The following ZNF25 variants were observed in gnomAD, a reference collection of about 807,000 sequenced individuals.
ZNF25 encodes zinc finger protein 25 (KOX 19).
A neutral mutation model predicts 30.9 loss-of-function variants in ZNF25; 21 were observed. The ratio of observed to expected loss-of-function variants is 0.68; its 90% CI spans 0.48 to 0.98. ZNF25 has a LOEUF of 0.98. ZNF25 is among the 50% of genes least tolerant of loss of function. The pLI, the probability that ZNF25 is intolerant of heterozygous loss-of-function variation, is 0.00. For synonymous variants in ZNF25, 169 were observed against 181.3 expected (o/e 0.93, Z 0.55); for missense variants, 501 against 529.9 (o/e 0.95, Z 0.54).
chr10:37,968,666 T>G (rs1027543758), intron 2 of ZNF25, among the ~76,000 whole-genome samples: 1 of 152,214 alleles, frequency 6.6e-6, no homozygotes, highest in Non-Finnish European at 1.5e-5. Flanking sequence ...TAAAATGTTC[T>G]TATAATTCAA....
chr10:37,971,696 T>C lies in ZNF25; in HGVS notation c.15+12A>G, dbSNP rs750784164. 6.2e-7 allele frequency: 1 copy of C among 1,605,214 alleles called. No homozygotes were observed. The highest frequency in any genetic ancestry group is 1.1e-5 in the South Asian group (1 of 91,004). The stretch of plus-strand genomic sequence containing the variant: ...ACAGTGAAACAAAGTTAGGGCTAAG[T>C]AAATGACTCACCTGGAACTTGTTCA... On this transcript the variant is annotated intron_variant, in intron 2 of 5. Coordinates refer to ENST00000302609, the MANE Select transcript of ZNF25 (RefSeq NM_145011.4).
intron 2 of ZNF25, among the ~76,000 whole-genome samples, chr10:37,965,975 A>G (rs1262641231): frequency 6.6e-6 from 1 of 152,216 alleles, no homozygotes; most frequent in Non-Finnish European, 1.5e-5. Flanking sequence ...AAAAATTAGA[A>G]AAGTTAATTG....
intron 2 of ZNF25, among the ~76,000 whole-genome samples, chr10:37,971,332 A>T (rs1003387774): frequency 6.8e-6 from 1 of 146,576 alleles, no homozygotes. Flanking sequence ...AAAAAAAAAA[A>T]TTCACATTTG....
In ZNF25 at chr10:37,971,630, AACACACACACACACACAC is replaced by A. The variant is rs4007126; in HGVS notation, c.15+60_15+77del. 2.5e-4 allele frequency: 343 copies of A among 1,389,810 alleles called. 1 individual carries two copies. In the African/African-American group the frequency reaches 3.2e-3, roughly 13 times the overall value. The allele number at this position is 1,389,810 out of a possible 1,614,324, so 86.1% of individuals were successfully genotyped here. A position where few individuals can be genotyped will look rare whatever the true frequency, so the allele number is the denominator to read the frequency against. ...GGGCTCTCGTTCATAAAACTCATTA[AACACACACACACACACAC>A]ACACACACACACACACACACACACA... On this transcript the variant is annotated intron_variant, in intron 2 of 5. Transcript: ENST00000302609.
At chr10:37,966,912 T>G (rs2063218653) in intron 2 of ZNF25, among the ~76,000 whole-genome samples, 1 of 152,180 alleles carries the variant, frequency 6.6e-6, no homozygotes, top group African/African-American at 2.4e-5. Context: ...GAATGGATAT[T>G]AAAAACATGA....
In ZNF25 at chr10:37,952,137, GCATTCCT is replaced by G; in HGVS notation, c.1354_1360del (p.Arg452LeufsTer34). On this transcript the variant is annotated frameshift_variant, in exon 6 of 6. Transcript: ENST00000302609. LOFTEE classifies it high-confidence loss of function. ...ATTTCCCAACTCATCTTACTTCTCA[GCATTCCT>G]CTTCTTTGTGTGTGTCTTCTGATGT... is the stretch of plus-strand genomic sequence containing the variant. The G allele has an allele frequency of 6.4e-7, 1 of 1,561,418 alleles. No homozygotes were observed. The highest frequency in any genetic ancestry group is 8.6e-7 in the Non-Finnish European group (1 of 1,156,676).
At position 37,954,376 on chromosome 10, in the gene ZNF25, G is replaced by A. The variant is rs543487833; in HGVS notation, c.239-618C>T. Reference sequence around the variant, plus strand: ...TCCTCATGCTTAGAGGAAGAGTCCTGTAGCTTGGGCTTTCACTCTCCATCT... The same window carrying A: ...TCCTCATGCTTAGAGGAAGAGTCCTATAGCTTGGGCTTTCACTCTCCATCT... On this transcript the variant is annotated intron_variant, in intron 4 of 5. Transcript: ENST00000302609. 3.7e-4 allele frequency among the ~76,000 whole-genome samples: 57 copies of A among 152,244 alleles called. 1 individual carries two copies. The South Asian group carries it at 0.011, about 30-fold the overall frequency.
At position 37,949,702 on chromosome 10, in the gene ZNF25, G is replaced by A. The variant is rs997284826; in HGVS notation, c.*2425C>T. 6.6e-6 allele frequency: 1 copy of A among 152,408 alleles called. No individual in the cohort carries two copies. The highest frequency in any genetic ancestry group is 1.5e-5 in the Non-Finnish European group (1 of 68,040). The allele number at this position is 152,408 out of a possible 1,614,324, so 9.4% of individuals were successfully genotyped here. On this transcript the variant is annotated 3_prime_UTR_variant, in exon 6 of 6. Coordinates refer to ENST00000302609, the MANE Select transcript of ZNF25 (RefSeq NM_145011.4). Reference sequence around the variant, plus strand: ...CTAGTAATGTAGCTGATGGAATTGGGTATTGTAAGTTTTTTGTTATTGGGT... The same window carrying A: ...CTAGTAATGTAGCTGATGGAATTGGATATTGTAAGTTTTTTGTTATTGGGT...
chr10:37,969,305 A>G (rs1175315180), intron 2 of ZNF25, among the ~76,000 whole-genome samples: 1 of 152,224 alleles, frequency 6.6e-6, no homozygotes, highest in Non-Finnish European at 1.5e-5. Context: ...ATAGGTATCA[A>G]ATACTTACAG....
rs1254503080 is a variant in ZNF25, at chr10:37,973,659, T to C, written c.-85-1852A>G. Among the ~76,000 whole-genome samples, 5 of 151,152 alleles carry C rather than the reference T, an allele frequency of 3.3e-5. No homozygotes were observed. The East Asian group carries it at 7.7e-4, about 23-fold the overall frequency. On this transcript the variant is annotated intron_variant, in intron 1 of 5. Transcript: ENST00000302609. ...GATATTAAAATGGAAAGATATCCCA[T>C]GCTCATGGACTGGCAGAATTAATAT...
chr10:37,953,782 T>C (rs2062341944), intron 4 of ZNF25, 24 bp from the exon 5 acceptor site: 1 of 1,593,864 alleles, frequency 6.3e-7, no homozygotes, highest in Non-Finnish European at 8.6e-7. Context: ...AAAAATGTAA[T>C]ACTTTATAAA....
intron 2 of ZNF25, among the ~76,000 whole-genome samples, chr10:37,959,133 A>G (rs1427377654): frequency 6.6e-6 from 1 of 152,196 alleles, no homozygotes; most frequent in African/African-American, 2.4e-5. Flanking sequence ...ATACTATGTG[A>G]AATGTCTTAT....
At chr10:37,961,089 G>C (rs2062844594) in intron 2 of ZNF25, among the ~76,000 whole-genome samples, 2 of 152,038 alleles carry the variant, frequency 1.3e-5, no homozygotes, top group African/African-American at 4.8e-5. Flanking sequence ...AAAAACCAAA[G>C]AGCATCCAGT....
intron 2 of ZNF25, among the ~76,000 whole-genome samples, chr10:37,966,573 A>T (rs1388059259): frequency 6.6e-6 from 1 of 152,184 alleles, no homozygotes; most frequent in African/African-American, 2.4e-5. Flanking sequence ...GCACATCTTC[A>T]CATGGCAGAG....
At chr10:37,962,220 G>A (rs1362885193) in intron 2 of ZNF25, among the ~76,000 whole-genome samples, 3 of 149,412 alleles carry the variant, frequency 2.0e-5, no homozygotes, top group South Asian at 2.1e-4. Flanking sequence ...CAGCCTGGGC[G>A]AGAGAGCGAG....
rs553101774 is a variant in ZNF25 at position 37,956,339 on chromosome 10, G to A, written c.238+681C>T. ...ATTTTATTGTTAATAAAAGGAAGGC[G>A]ATGCCATTTAAAAACGTTATAAGTC... is the stretch of plus-strand genomic sequence containing the variant. On this transcript the variant is annotated intron_variant, in intron 4 of 5. Coordinates refer to ENST00000302609, the MANE Select transcript of ZNF25 (RefSeq NM_145011.4). Among the ~76,000 whole-genome samples, 13 of 152,268 alleles carry A rather than the reference G, an allele frequency of 8.5e-5. No homozygotes were observed. In the South Asian group the frequency reaches 2.5e-3, roughly 29 times the overall value.
intron 3 of ZNF25, 68 bp from the exon 4 acceptor site, chr10:37,957,183 A>T (rs1356590752): frequency 6.8e-7 from 1 of 1,478,956 alleles, no homozygotes; most frequent in Non-Finnish European, 9.4e-7. Context: ...AAAGATGAGG[A>T]AGTGGAGTTT....
intron 2 of ZNF25, among the ~76,000 whole-genome samples, chr10:37,963,652 G>A: frequency 6.6e-6 from 1 of 152,138 alleles, no homozygotes; most frequent in Middle Eastern, 3.2e-3. Flanking sequence ...AGTGAGTTCT[G>A]ATTCGGTTCA....
chr10:37,971,315 CAAAA>C (rs35376573), intron 2 of ZNF25, among the ~76,000 whole-genome samples: 1 of 133,434 alleles, frequency 7.5e-6, no homozygotes. Flanking sequence ...GACTCCATCT[CAAAA>C]AAAAAAAAAA....
Sources: gnomAD v4.1 joint callset for allele counts (sites outside exome capture counted in the v4.1 genomes callset) on GRCh38, gnomAD v4.1.1 for gene constraint, MANE v1.5 for transcripts, NCBI Gene and HGNC (gene_info 2026-07-23, HGNC 2026-07-21) for gene names.